ADGRB3: variants seen among roughly 807,000 people sequenced by gnomAD.
The protein encoded by ADGRB3 is brain-specific angiogenesis inhibitor 3.
ADGRB3 carries 37 observed loss-of-function variants against 193.4 expected under a neutral mutation model. That is an observed-to-expected ratio of 0.19 (90% confidence interval 0.15 to 0.25). The LOEUF (loss-of-function observed/expected upper bound fraction) is 0.25, where lower values mean the gene tolerates loss of function less well. Among genes scored for constraint, ADGRB3 ranks in the 10% least tolerant of loss-of-function variants. The pLI is 1.00. For synonymous variants in ADGRB3, 690 were observed against 644.2 expected, an observed-to-expected ratio of 1.07 and a Z score of -1.08; for missense variants, 1,637 against 1,852.9, an observed-to-expected ratio of 0.88 and a Z score of 2.14.
intron 3 of ADGRB3, among the ~76,000 whole-genome samples, chr6:68,850,537 C>T (rs561520704): frequency 6.6e-6 from 1 of 151,474 alleles, no homozygotes; most frequent in South Asian, 2.1e-4. Context: ...GTTGAGTAGG[C>T]CATGTCTTAT....
intron 31 of ADGRB3, among the ~76,000 whole-genome samples, chr6:69,388,337 A>G (rs1311291753): frequency 1.3e-5 from 2 of 152,114 alleles, no homozygotes; most frequent in Non-Finnish European, 1.5e-5. Context: ...TTCTGTCACA[A>G]TACTTACATT....
chr6:69,340,766 GC>G (rs1218196777), intron 26 of ADGRB3, among the ~76,000 whole-genome samples: 1 of 151,922 alleles, frequency 6.6e-6, no homozygotes, highest in Non-Finnish European at 1.5e-5. Flanking sequence ...CCCTCCTCTA[GC>G]CCCCCACCCT....
At chr6:68,970,654 C>T (rs1203022622) in intron 8 of ADGRB3, among the ~76,000 whole-genome samples, 1 of 151,808 alleles carries the variant, frequency 6.6e-6, no homozygotes, top group Non-Finnish European at 1.5e-5. Flanking sequence ...CAGGGCCTAG[C>T]ACCATGTTAC....
Position 69,312,925 on chromosome 6 carries a change from T to G in ADGRB3, c.2815-11947T>G, listed in dbSNP as rs190894273. Among the ~76,000 whole-genome samples the G allele has an allele frequency of 3.8e-3, 583 of 151,940 alleles. 6 individuals are homozygous for G. Among genetic ancestry groups the G allele is most frequent in the Non-Finnish European group, 4.9e-3 (329 of 67,834 alleles). On this transcript the variant is annotated intron_variant, in intron 20 of 31. Coordinates refer to ENST00000370598, the MANE Select transcript of ADGRB3 (RefSeq NM_001704.3). ...AATATGTATGAATTGTTATTGTTGT[T>G]AATACTTTTGAGATTTGCCAAGAAC... is the stretch of plus-strand genomic sequence containing the variant.
intron 17 of ADGRB3, among the ~76,000 whole-genome samples, chr6:69,208,832 T>G (rs569890610): frequency 6.6e-6 from 1 of 152,344 alleles, no homozygotes; most frequent in South Asian, 2.1e-4. Flanking sequence ...GGAATGGTGC[T>G]ATACATAACC....
chr6:69,160,277 C>A (rs994770481), intron 17 of ADGRB3, among the ~76,000 whole-genome samples: 7 of 152,122 alleles, frequency 4.6e-5, no homozygotes, highest in African/African-American at 1.7e-4. Context: ...CAGTGGATTA[C>A]AAGGTCCTTC....
chr6:68,812,086 G>A (rs582962), intron 3 of ADGRB3, among the ~76,000 whole-genome samples: 91,198 of 151,878 alleles, frequency 0.6, 27,894 homozygotes, highest in Non-Finnish European at 0.67. Context: ...AAAGAGAAAG[G>A]CATGAGTAAA....
At position 68,664,936 on chromosome 6, in the gene ADGRB3, T is replaced by A. The variant is rs191364190; in HGVS notation, c.757+25504T>A. Among the ~76,000 whole-genome samples the A allele has an allele frequency of 8.6e-5, 13 of 151,870 alleles. No individual in the cohort carries two copies. In the East Asian group the frequency reaches 2.5e-3, roughly 30 times the overall value. On this transcript the variant is annotated intron_variant, in intron 3 of 31. Transcript: ENST00000370598. Reference sequence around the variant, plus strand: ...CATCAGAGTTTAGTCTTATACACATTCTTACTCAATCTTTGGGTGGGAGCT... The same window carrying A: ...CATCAGAGTTTAGTCTTATACACATACTTACTCAATCTTTGGGTGGGAGCT...
At chr6:68,941,291 A>C (rs940070667) in intron 5 of ADGRB3, among the ~76,000 whole-genome samples, 8 of 152,200 alleles carry the variant, frequency 5.3e-5, no homozygotes, top group Admixed American at 5.2e-4. Flanking sequence ...ATTTTCTACT[A>C]ACTCAATAGT....
intron 15 of ADGRB3, among the ~76,000 whole-genome samples, chr6:69,059,454 C>A (rs958398941): frequency 6.6e-6 from 1 of 151,870 alleles, no homozygotes; most frequent in Non-Finnish European, 1.5e-5. Context: ...TAAGACTCTG[C>A]AAAAAAATGT....
chr6:69,074,067 T>C (rs1772156503), intron 16 of ADGRB3, among the ~76,000 whole-genome samples: 1 of 151,874 alleles, frequency 6.6e-6, no homozygotes, highest in South Asian at 2.1e-4. Context: ...TAAATTTCCA[T>C]CCAGAAGCAA....
At chr6:68,925,403 T>A (rs913482809) in intron 3 of ADGRB3, among the ~76,000 whole-genome samples, 3 of 151,964 alleles carry the variant, frequency 2.0e-5, no homozygotes, top group Non-Finnish European at 4.4e-5. Context: ...TATGAGCCTA[T>A]AAGGCATTAA....
intron 3 of ADGRB3, among the ~76,000 whole-genome samples, chr6:68,718,453 G>A (rs1765521262): frequency 6.6e-6 from 1 of 151,734 alleles, no homozygotes; most frequent in Admixed American, 6.6e-5. Context: ...ACTAACATAT[G>A]TTCTAGTGCC....
intron 3 of ADGRB3, among the ~76,000 whole-genome samples, chr6:68,900,746 T>C (rs1766371932): frequency 6.6e-6 from 1 of 152,064 alleles, no homozygotes; most frequent in Non-Finnish European, 1.5e-5. Context: ...AGACCAACAC[T>C]GGGCCCGTGA....
intron 3 of ADGRB3, among the ~76,000 whole-genome samples, chr6:68,844,763 C>G (rs1274826341): frequency 2.6e-5 from 4 of 152,044 alleles, no homozygotes; most frequent in African/African-American, 9.7e-5. Context: ...TTGGTACATG[C>G]ACAAAATGGA....
At chr6:69,053,688 T>C (rs1474284956) in intron 15 of ADGRB3, among the ~76,000 whole-genome samples, 1 of 152,196 alleles carries the variant, frequency 6.6e-6, no homozygotes, top group East Asian at 1.9e-4. Context: ...CACATTCACA[T>C]TAAGGAATTA....
Position 68,817,303 on chromosome 6 carries a change from CCA to C in ADGRB3, c.758-113255_758-113254del, listed in dbSNP as rs1491081565. On this transcript the variant is annotated intron_variant, in intron 3 of 31. Coordinates refer to ENST00000370598, the MANE Select transcript of ADGRB3 (RefSeq NM_001704.3). ...AAAGGTATTTATTATTCCCTTTTGT[CCA>C]TGTATATATATATATATATATATAT... Among the ~76,000 whole-genome samples, 9 of 32,726 alleles carry C rather than the reference CCA, an allele frequency of 2.8e-4. 1 individual carries two copies. The highest frequency in any genetic ancestry group is 5.1e-4 in the Admixed American group (1 of 1,968). 21.5% of individuals were successfully genotyped at this position (32,726 alleles called of 152,430 possible).
rs536593070 is a variant in ADGRB3 at position 68,776,320 on chromosome 6, G to A, written c.757+136888G>A. ...TTGCAAATTTAATTCAGACATAGACGTAGACAACTGTGGTGGGGTTACATA... is the reference window on the plus strand; with the variant it reads ...TTGCAAATTTAATTCAGACATAGACATAGACAACTGTGGTGGGGTTACATA... On this transcript the variant is annotated intron_variant, in intron 3 of 31. Coordinates refer to ENST00000370598, the MANE Select transcript of ADGRB3 (RefSeq NM_001704.3). Among the ~76,000 whole-genome samples, 64 of 152,220 alleles carry A rather than the reference G, an allele frequency of 4.2e-4. 1 individual carries two copies. Among genetic ancestry groups the A allele is most frequent in the African/African-American group, 1.3e-3 (56 of 41,562 alleles).
At chr6:69,170,842 T>A (rs898617547) in intron 17 of ADGRB3, among the ~76,000 whole-genome samples, 1 of 152,080 alleles carries the variant, frequency 6.6e-6, no homozygotes, top group South Asian at 2.1e-4. Context: ...TGGCACATAG[T>A]TCAATTTTGC....
Sources: gnomAD v4.1 joint callset for allele counts (sites outside exome capture counted in the v4.1 genomes callset) on GRCh38, gnomAD v4.1.1 for gene constraint, MANE v1.5 for transcripts, NCBI Gene and HGNC (gene_info 2026-07-23, HGNC 2026-07-21) for gene names.